CDH18: variants seen among roughly 807,000 people sequenced by gnomAD.
CDH18 encodes the protein cadherin 18, also known as cadherin-18.
A neutral mutation model predicts 67.9 loss-of-function variants in CDH18; 31 were observed. The observed-to-expected ratio is 0.46, with a 90% CI of 0.34 to 0.62. CDH18 has a LOEUF of 0.62. CDH18 is among the 20% of genes least tolerant of loss of function. The pLI is 0.01. For synonymous variants in CDH18, 362 were observed against 347.2 expected (o/e 1.04, Z -0.48); for missense variants, 890 against 975.5 (o/e 0.91, Z 1.17).
At chr5:19,775,472 A>G (rs1254548354) in intron 3 of CDH18, among the ~76,000 whole-genome samples, 4 of 152,012 alleles carry the variant, frequency 2.6e-5, no homozygotes, top group Admixed American at 1.3e-4. Flanking sequence ...CAAGAGGTTT[A>G]CAGTTGTTGC....
At chr5:19,774,730 G>A (rs1390990804) in intron 3 of CDH18, among the ~76,000 whole-genome samples, 1 of 139,018 alleles carries the variant, frequency 7.2e-6, no homozygotes, top group Admixed American at 8.0e-5. Flanking sequence ...GCTGAGACAG[G>A]AGAATTGAAG....
At chr5:20,417,453 T>C (rs180981209) in intron 1 of CDH18, among the ~76,000 whole-genome samples, 5 of 152,320 alleles carry the variant, frequency 3.3e-5, no homozygotes, top group African/African-American at 1.2e-4. Flanking sequence ...TTTATGCTTT[T>C]AGCACAATTC....
At chr5:20,259,802 CA>C (rs1372717142) in intron 1 of CDH18, among the ~76,000 whole-genome samples, 1 of 151,994 alleles carries the variant, frequency 6.6e-6, no homozygotes, top group African/African-American at 2.4e-5. Context: ...AGCTAAATGC[CA>C]CAGATGCTGC....
At chr5:20,278,924 A>G (rs1261707553) in intron 1 of CDH18, among the ~76,000 whole-genome samples, 1 of 152,096 alleles carries the variant, frequency 6.6e-6, no homozygotes, top group Non-Finnish European at 1.5e-5. Context: ...AAAATACATG[A>G]CCAGAGAAAC....
At chr5:20,503,458 CAGAGTT>C (rs1486980992) in intron 1 of CDH18, among the ~76,000 whole-genome samples, 1 of 152,092 alleles carries the variant, frequency 6.6e-6, no homozygotes, top group Non-Finnish European at 1.5e-5. Context: ...TTATCAGTCA[CAGAGTT>C]AATCATTGAG....
At chr5:20,519,372 A>G (rs1755581184) in intron 1 of CDH18, among the ~76,000 whole-genome samples, 1 of 152,072 alleles carries the variant, frequency 6.6e-6, no homozygotes, top group Admixed American at 6.6e-5. Context: ...TCGCAAGGAC[A>G]AAAAACCAAA....
intron 10 of CDH18, among the ~76,000 whole-genome samples, chr5:19,507,390 C>T (rs1451672404): frequency 6.6e-6 from 1 of 152,122 alleles, no homozygotes; most frequent in Non-Finnish European, 1.5e-5. Flanking sequence ...TTTGACCCAG[C>T]CATCCCATTA....
intron 2 of CDH18, chr5:20,159,106 G>C (rs1029158712): frequency 1.3e-5 from 2 of 152,120 alleles, no homozygotes; most frequent in African/African-American, 4.8e-5. Flanking sequence ...TGATGAAAAA[G>C]TTTTGATTTG....
intron 2 of CDH18, among the ~76,000 whole-genome samples, chr5:19,956,222 T>C (rs1213339167): frequency 1.3e-5 from 2 of 152,052 alleles, no homozygotes; most frequent in Non-Finnish European, 2.9e-5. Context: ...ATTCTATGTC[T>C]AATTTAGATG....
At chr5:20,117,179 T>G (rs1747995445) in intron 2 of CDH18, among the ~76,000 whole-genome samples, 1 of 152,184 alleles carries the variant, frequency 6.6e-6, no homozygotes, top group Non-Finnish European at 1.5e-5. Flanking sequence ...TAAATATCTA[T>G]CACTGGGGCC....
At chr5:20,357,261 C>A (rs1741710440) in intron 1 of CDH18, among the ~76,000 whole-genome samples, 1 of 152,002 alleles carries the variant, frequency 6.6e-6, no homozygotes, top group South Asian at 2.1e-4. Flanking sequence ...AATATCCTCT[C>A]CTTAAAAGTA....
chr5:19,842,618 C>A (rs1259129865), intron 2 of CDH18, among the ~76,000 whole-genome samples: 1 of 151,998 alleles, frequency 6.6e-6, no homozygotes, highest in Non-Finnish European at 1.5e-5. Context: ...TAAAATAATA[C>A]AATACATTTT....
intron 3 of CDH18, 117 bp from the exon 4 acceptor site, chr5:19,747,353 G>T: frequency 1.3e-6 from 1 of 774,474 alleles, no homozygotes; most frequent in Non-Finnish European, 2.0e-6. Context: ...CCTTTACAGT[G>T]CCCTGTGTGT....
At chr5:20,336,047 A>G (rs1230077037) in intron 1 of CDH18, among the ~76,000 whole-genome samples, 1 of 152,212 alleles carries the variant, frequency 6.6e-6, no homozygotes, top group Non-Finnish European at 1.5e-5. Flanking sequence ...GGAGGCAATT[A>G]TGAGCTGGTT....
intron 6 of CDH18, among the ~76,000 whole-genome samples, chr5:19,600,679 A>G (rs1320685694): frequency 6.6e-6 from 1 of 152,074 alleles, no homozygotes; most frequent in Non-Finnish European, 1.5e-5. Context: ...AAAAAAATAG[A>G]AAGTACATGG....
At chr5:20,152,939 ATT>A (rs34475393) in intron 2 of CDH18, among the ~76,000 whole-genome samples, 16 of 125,868 alleles carry the variant, frequency 1.3e-4, no homozygotes, top group Admixed American at 2.7e-4. Flanking sequence ...AGGATGAGGA[ATT>A]TTTTTTTTTT....
chr5:20,444,042 T>A (rs1191762560), intron 1 of CDH18, among the ~76,000 whole-genome samples: 1 of 151,990 alleles, frequency 6.6e-6, no homozygotes, highest in East Asian at 1.9e-4. Flanking sequence ...AAAAGATGTT[T>A]ATATTATAAT....
At chr5:20,129,225 T>C (rs1020625489) in intron 2 of CDH18, among the ~76,000 whole-genome samples, 26 of 152,054 alleles carry the variant, frequency 1.7e-4, no homozygotes, top group African/African-American at 5.3e-4. Flanking sequence ...AAAAAAAATA[T>C]AGACCCAATA....
At chr5:19,954,869 A>C (rs957093348) in intron 2 of CDH18, among the ~76,000 whole-genome samples, 1 of 151,762 alleles carries the variant, frequency 6.6e-6, no homozygotes. Flanking sequence ...AAAAAGAGTT[A>C]TTGGGACTGA....
Sources: allele counts gnomAD v4.1 joint callset (sites outside exome capture counted in the v4.1 genomes callset), GRCh38; gene constraint gnomAD v4.1.1; transcripts MANE v1.5; gene names NCBI Gene and HGNC (gene_info 2026-07-23, HGNC 2026-07-21).